The following DYNC2I2 variants were observed in gnomAD, a reference collection of about 807,000 sequenced individuals.
The protein encoded by DYNC2I2 is dynein 2 intermediate chain 2.
Under a neutral mutation model 52.0 loss-of-function variants are expected in DYNC2I2, and 39 were observed. The observed-to-expected ratio is 0.75, with a 90% CI of 0.58 to 0.98. The LOEUF (loss-of-function observed/expected upper bound fraction) is 0.98. DYNC2I2 is among the 50% of genes least tolerant of loss of function. The pLI, the probability that DYNC2I2 is intolerant of heterozygous loss-of-function variation, is 0.00. For missense variants in DYNC2I2, 743 were observed against 728.4 expected (o/e 1.02, Z -0.23); for synonymous variants, 359 against 321.1 (o/e 1.12, Z -1.26).
At chr9:128,643,520 C>T (rs1340962355) in intron 1 of DYNC2I2, among the ~76,000 whole-genome samples, 2 of 147,452 alleles carry the variant, frequency 1.4e-5, no homozygotes, top group Non-Finnish European at 3.0e-5. Flanking sequence ...GAGTGAGACT[C>T]CATCTCAAAA....
chr9:128,639,921 C>T (rs1272457292), intron 2 of DYNC2I2, among the ~76,000 whole-genome samples: 1 of 152,108 alleles, frequency 6.6e-6, no homozygotes, highest in Admixed American at 6.6e-5. Context: ...CCACCTTGGC[C>T]TCCCAAAGTG....
At chr9:128,678,205 G>C in the DYNC2I2 span, among the ~76,000 whole-genome samples, 1 of 149,984 alleles carries the variant, frequency 6.7e-6, no homozygotes, top group Non-Finnish European at 1.5e-5. Flanking sequence ...GAGTAGCTAG[G>C]ATTACAGGCA....
the DYNC2I2 span, among the ~76,000 whole-genome samples, chr9:128,680,249 CG>C: frequency 6.6e-6 from 1 of 151,610 alleles, no homozygotes; most frequent in Non-Finnish European, 1.5e-5. Flanking sequence ...TTAATAGAGA[CG>C]GGGTTTTGCC....
chr9:128,648,969 T>C (rs557940505), intron 1 of DYNC2I2, among the ~76,000 whole-genome samples: 5 of 152,136 alleles, frequency 3.3e-5, no homozygotes, highest in African/African-American at 1.2e-4. Flanking sequence ...AATTCAGCAT[T>C]TCCTAGGCAC....
chr9:128,674,135 G>C, the DYNC2I2 span, among the ~76,000 whole-genome samples: 1 of 149,688 alleles, frequency 6.7e-6, no homozygotes, highest in East Asian at 2.0e-4. Flanking sequence ...TTTGTTTTGT[G>C]TGTGTGTGTC....
chr9:128,653,223 C>T lies in DYNC2I2; in HGVS notation c.186+3318G>A, dbSNP rs536235560. Among the ~76,000 whole-genome samples, 5 of 150,508 alleles carry T rather than the reference C, an allele frequency of 3.3e-5. No individual in the cohort carries two copies. The South Asian group carries it at 6.2e-4, about 19-fold the overall frequency. On this transcript the variant is annotated intron_variant, in intron 1 of 8. Coordinates refer to ENST00000372715, the MANE Select transcript of DYNC2I2 (RefSeq NM_052844.4). ...CAGCCTGGGCAACAAAGCGAGACTC[C>T]GTCTCACACACAAAAAAGAAAGTAC...
upstream of DYNC2I2, among the ~76,000 whole-genome samples, chr9:128,661,430 C>A (rs1157107034): frequency 6.6e-6 from 1 of 151,302 alleles, no homozygotes; most frequent in African/African-American, 2.4e-5. Context: ...ACCAGCCTGG[C>A]CAACATGGTG....
chr9:128,658,611 G>A (rs1405498016), upstream of DYNC2I2, among the ~76,000 whole-genome samples: 1 of 151,434 alleles, frequency 6.6e-6, no homozygotes, highest in Non-Finnish European at 1.5e-5. Context: ...ACAGGCAACC[G>A]CCACCACGCC....
At chr9:128,667,076 G>A in the DYNC2I2 span, among the ~76,000 whole-genome samples, 1 of 149,808 alleles carries the variant, frequency 6.7e-6, no homozygotes, top group African/African-American at 2.5e-5. Flanking sequence ...GTGGGCACCT[G>A]TAATCCCAGC....
chr9:128,658,186 GA>G (rs1471452406), upstream of DYNC2I2, among the ~76,000 whole-genome samples: 85 of 139,756 alleles, frequency 6.1e-4, no homozygotes, highest in African/African-American at 2.2e-3. Flanking sequence ...TTTTTTTTAA[GA>G]CAGAGTCTCA....
At chr9:128,667,785 T>G in the DYNC2I2 span, among the ~76,000 whole-genome samples, 1 of 147,852 alleles carries the variant, frequency 6.8e-6, no homozygotes, top group Non-Finnish European at 1.5e-5. Flanking sequence ...CAGGCTGGAG[T>G]GCAGTGGCGC....
chr9:128,662,311 C>A, the DYNC2I2 span, among the ~76,000 whole-genome samples: 2 of 152,070 alleles, frequency 1.3e-5, no homozygotes, highest in African/African-American at 4.8e-5. Flanking sequence ...TCTGCCCATG[C>A]TCTTTGTGTT....
the DYNC2I2 span, chr9:128,683,726 C>A: frequency 3.6e-6 from 2 of 551,112 alleles, no homozygotes; most frequent in Non-Finnish European, 3.2e-6. Flanking sequence ...TGGGATGAGG[C>A]TGGGGGAGGG....
rs1190725811 is a variant in DYNC2I2, at chr9:128,634,400, G to A, written c.1215-17C>T. The A allele has an allele frequency of 2.6e-6, 4 of 1,561,172 alleles. No homozygotes were observed. Among genetic ancestry groups the A allele is most frequent in the Non-Finnish European group, 3.5e-6 (4 of 1,155,092 alleles). ...AAGAGATTCCTAGACGGGATGCAGG[G>A]GGCCAGGCAAGGGAATCAGTGCTGG... On this transcript the variant is annotated splice_polypyrimidine_tract_variant and intron_variant, in intron 7 of 8. Transcript: ENST00000372715.
intron 6 of DYNC2I2, 51 bp downstream of exon 6, chr9:128,635,041 C>T (rs1290184740): frequency 1.9e-6 from 3 of 1,588,218 alleles, no homozygotes. Context: ...CACCTTCCCA[C>T]CCCCAAGGCT....
the DYNC2I2 span, among the ~76,000 whole-genome samples, chr9:128,676,587 G>A: frequency 6.6e-6 from 1 of 150,882 alleles, no homozygotes; most frequent in Admixed American, 6.6e-5. Flanking sequence ...GCTGGAGTAC[G>A]GTGGTGTGAT....
At chr9:128,647,908 C>CA (rs1372074455) in intron 1 of DYNC2I2, among the ~76,000 whole-genome samples, 1 of 151,976 alleles carries the variant, frequency 6.6e-6, no homozygotes, top group Non-Finnish European at 1.5e-5. Context: ...GCCTGAAGCC[C>CA]AATTCTCCTG....
At chr9:128,656,127 C>T (rs1386635088) in intron 1 of DYNC2I2, among the ~76,000 whole-genome samples, 1 of 142,294 alleles carries the variant, frequency 7.0e-6, no homozygotes, top group Non-Finnish European at 1.5e-5. Context: ...GGGAGGATCG[C>T]TCAGCACCGG....
At position 128,646,336 on chromosome 9, in the gene DYNC2I2, G is replaced by A. The variant is rs552083389; in HGVS notation, c.187-5397C>T. The stretch of plus-strand genomic sequence containing the variant: ...CAATTCTCCTGCCTCAGCCTCTTGA[G>A]TAGCTGGGATTACAGGTGCCTGCCA... On this transcript the variant is annotated intron_variant, in intron 1 of 8. Coordinates refer to ENST00000372715, the MANE Select transcript of DYNC2I2 (RefSeq NM_052844.4). Among the ~76,000 whole-genome samples the A allele has an allele frequency of 1.2e-3, 190 of 152,278 alleles. 1 individual carries two copies. The highest frequency in any genetic ancestry group is 4.4e-3 in the African/African-American group (182 of 41,562).
Sources: gnomAD v4.1 joint callset for allele counts (sites outside exome capture counted in the v4.1 genomes callset) on GRCh38, gnomAD v4.1.1 for gene constraint, MANE v1.5 for transcripts, NCBI Gene and HGNC (gene_info 2026-07-23, HGNC 2026-07-21) for gene names.